The following AGTPBP1 variants were observed in gnomAD, a reference collection of about 807,000 sequenced individuals.
AGTPBP1 encodes ATP/GTP binding carboxypeptidase 1.
A neutral mutation model predicts 143.9 loss-of-function variants in AGTPBP1; 70 were observed. The ratio of observed to expected loss-of-function variants is 0.49; its 90% CI spans 0.40 to 0.59. AGTPBP1 has a LOEUF of 0.59. Ranked by LOEUF, AGTPBP1 falls within the 20% of genes least tolerant of loss-of-function variation. The pLI is 0.00. For synonymous variants in AGTPBP1, 463 were observed against 500.2 expected (o/e 0.93, Z 0.99); for missense variants, 1,229 against 1,464.5 (o/e 0.84, Z 2.62).
chr9:85,641,648 AG>A (rs1266462378), intron 13 of AGTPBP1, among the ~76,000 whole-genome samples: 3 of 152,124 alleles, frequency 2.0e-5, no homozygotes, highest in Non-Finnish European at 4.4e-5. Flanking sequence ...TAAGTTCCCA[AG>A]CTGAAACCTG....
chr9:85,682,123 C>G (rs993645616), intron 3 of AGTPBP1, among the ~76,000 whole-genome samples: 1 of 140,352 alleles, frequency 7.1e-6, no homozygotes, highest in African/African-American at 2.7e-5. Context: ...CTGAAACAAT[C>G]TGGAGACCAG....
At chr9:85,662,976 C>T (rs2133992718) in intron 8 of AGTPBP1, among the ~76,000 whole-genome samples, 1 of 152,134 alleles carries the variant, frequency 6.6e-6, no homozygotes, top group East Asian at 1.9e-4. Flanking sequence ...ATGAGATGGG[C>T]CCTACAATTG....
intron 11 of AGTPBP1, among the ~76,000 whole-genome samples, chr9:85,647,924 T>C (rs114396510): frequency 0.017 from 2,579 of 152,282 alleles, 38 homozygotes; most frequent in African/African-American, 0.037. Flanking sequence ...ACTTTTAATA[T>C]AAAGAAGATA....
At chr9:85,726,056 C>CA (rs948203314) in intron 1 of AGTPBP1, among the ~76,000 whole-genome samples, 1,039 of 40,768 alleles carry the variant, frequency 0.025, 71 homozygotes, top group African/African-American at 0.057. Context: ...GACTCCATCT[C>CA]AAAAAAAAAA....
At chr9:85,678,677 A>T (rs1266354143) in intron 4 of AGTPBP1, among the ~76,000 whole-genome samples, 3 of 152,226 alleles carry the variant, frequency 2.0e-5, no homozygotes, top group African/African-American at 7.2e-5. Context: ...TAATAAAAGT[A>T]AATGAATCAA....
chr9:85,609,627 T>C (rs1170612516), intron 17 of AGTPBP1, among the ~76,000 whole-genome samples: 3 of 152,094 alleles, frequency 2.0e-5, no homozygotes, highest in African/African-American at 7.2e-5. Context: ...AAAATGGCAC[T>C]CTTTGAAGAA....
intron 6 of AGTPBP1, among the ~76,000 whole-genome samples, chr9:85,675,501 G>A (rs536799488): frequency 6.6e-6 from 1 of 152,222 alleles, no homozygotes; most frequent in South Asian, 2.1e-4. Context: ...ATTAAAGAAA[G>A]CAGTGACATA....
At chr9:85,682,706 T>A (rs1835264235) in intron 3 of AGTPBP1, among the ~76,000 whole-genome samples, 1 of 151,886 alleles carries the variant, frequency 6.6e-6, no homozygotes, top group Non-Finnish European at 1.5e-5. Context: ...GTCAAGGGAG[T>A]TTAAGAGAAG....
the AGTPBP1 span, among the ~76,000 whole-genome samples, chr9:85,779,214 TATAGATA>T: frequency 7.2e-6 from 1 of 138,666 alleles, no homozygotes; most frequent in Middle Eastern, 3.3e-3. Flanking sequence ...TAGATATAGA[TATAGATA>T]TAGATATAGA....
At position 85,592,728 on chromosome 9, in the gene AGTPBP1, T is replaced by C. The variant is rs180768354; in HGVS notation, c.2424-24A>G. Reference sequence around the variant, plus strand: ...TTCTGCAATAAAAACGCATAAAACATGTTCATTTCATCCACATGAAAACTG... The same window carrying C: ...TTCTGCAATAAAAACGCATAAAACACGTTCATTTCATCCACATGAAAACTG... On this transcript the variant is annotated intron_variant, in intron 18 of 25. Coordinates refer to ENST00000357081, the MANE Select transcript of AGTPBP1 (RefSeq NM_001330701.2). 1.4e-3 allele frequency: 2,260 copies of C among 1,601,736 alleles called. 1 individual carries two copies. Among genetic ancestry groups the C allele is most frequent in the Non-Finnish European group, 1.8e-3 (2,124 of 1,175,930 alleles).
chr9:85,567,559 T>C (rs1827191570), intron 25 of AGTPBP1, among the ~76,000 whole-genome samples: 1 of 152,078 alleles, frequency 6.6e-6, no homozygotes, highest in Admixed American at 6.5e-5. Context: ...GCCACTGTAC[T>C]CAAGTATGGG....
chr9:85,739,385 G>A (rs1824059474), intron 1 of AGTPBP1, among the ~76,000 whole-genome samples: 1 of 152,170 alleles, frequency 6.6e-6, no homozygotes, highest in African/African-American at 2.4e-5. Context: ...GCAGATTTGG[G>A]AAGATGAATA....
the AGTPBP1 span, among the ~76,000 whole-genome samples, chr9:85,769,188 A>C: frequency 2.0e-5 from 3 of 152,132 alleles, no homozygotes; most frequent in Non-Finnish European, 4.4e-5. Context: ...AAGTCAACAG[A>C]TATTGAGTTC....
intron 19 of AGTPBP1, among the ~76,000 whole-genome samples, chr9:85,591,364 T>C (rs928454619): frequency 1.3e-5 from 2 of 152,028 alleles, no homozygotes; most frequent in African/African-American, 4.8e-5. Context: ...CAGCGGGAAC[T>C]AATGAAGAGC....
chr9:85,733,561 A>G (rs1839027408), intron 1 of AGTPBP1, among the ~76,000 whole-genome samples: 1 of 152,152 alleles, frequency 6.6e-6, no homozygotes, highest in African/African-American at 2.4e-5. Flanking sequence ...AAGGAACTAC[A>G]AAAAGAAGAA....
chr9:85,790,901 T>A, the AGTPBP1 span, among the ~76,000 whole-genome samples: 29 of 152,292 alleles, frequency 1.9e-4, no homozygotes, highest in East Asian at 1.2e-3. Context: ...AATATTTTTT[T>A]AAAATGTATA....
chr9:85,657,727 A>G, intron 9 of AGTPBP1, 84 bp from the exon 10 acceptor site: 1 of 918,188 alleles, frequency 1.1e-6, no homozygotes, highest in East Asian at 2.7e-5. Flanking sequence ...ATATTACCTC[A>G]ATATTGTGAT....
At chr9:85,558,816 A>T (rs1408680340) in intron 25 of AGTPBP1, among the ~76,000 whole-genome samples, 1 of 152,106 alleles carries the variant, frequency 6.6e-6, no homozygotes, top group Non-Finnish European at 1.5e-5. Flanking sequence ...ACAGGGTTTC[A>T]CCACGTTGCC....
chr9:85,642,789 T>G (rs760798296), intron 13 of AGTPBP1, 38 bp downstream of exon 13: 3 of 1,481,730 alleles, frequency 2.0e-6, no homozygotes, highest in Non-Finnish European at 2.8e-6. Flanking sequence ...AACTTTTTAT[T>G]AAAATCAGTT....
Sources: allele counts gnomAD v4.1 joint callset (sites outside exome capture counted in the v4.1 genomes callset), GRCh38; gene constraint gnomAD v4.1.1; transcripts MANE v1.5; gene names NCBI Gene and HGNC (gene_info 2026-07-23, HGNC 2026-07-21).